Variants in HK1 observed in about 807,000 individuals in gnomAD.
HK1 encodes the protein hexokinase 1, also known as hexokinase-1.
HK1 carries 28 observed loss-of-function variants against 91.6 expected under a neutral mutation model. The ratio of observed to expected loss-of-function variants is 0.31; its 90% CI spans 0.23 to 0.42. The LOEUF is 0.42. Ranked by LOEUF, HK1 falls within the 10% of genes least tolerant of loss-of-function variation. The pLI is 1.00. For synonymous variants in HK1, 430 were observed against 468.1 expected (o/e 0.92, Z 1.05); for missense variants, 770 against 1,219.8 (o/e 0.63, Z 5.49).
At chr10:69,379,740 CCA>C in intron 8 of HK1, 120 bp from the exon 9 acceptor site, 1 of 718,190 alleles carries the variant, frequency 1.4e-6, no homozygotes, top group Non-Finnish European at 2.6e-6. Context: ...TCATCCCATA[CCA>C]TCCCATACCA....
At chr10:69,284,917 C>T (rs1044275688) in intron 2 of HK1, among the ~76,000 whole-genome samples, 8 of 152,028 alleles carry the variant, frequency 5.3e-5, no homozygotes, top group South Asian at 4.2e-4. Context: ...CCTGGGTTCA[C>T]GCCATTCTCC....
At chr10:69,346,298 C>T (rs1006439863) in intron 2 of HK1, among the ~76,000 whole-genome samples, 7 of 152,204 alleles carry the variant, frequency 4.6e-5, no homozygotes, top group African/African-American at 1.7e-4. Flanking sequence ...TTGGCGCTCA[C>T]CATGGTGGAG....
At chr10:69,344,863 G>A (rs1377581114) in intron 2 of HK1, among the ~76,000 whole-genome samples, 1 of 152,162 alleles carries the variant, frequency 6.6e-6, no homozygotes, top group Non-Finnish European at 1.5e-5. Flanking sequence ...TCTAGGGTGG[G>A]GCTCACCTGC....
chr10:69,365,792 C>T (rs556203230), intron 4 of HK1, among the ~76,000 whole-genome samples: 1 of 152,316 alleles, frequency 6.6e-6, no homozygotes, highest in South Asian at 2.1e-4. Flanking sequence ...CATGATTGTG[C>T]CACTGCACCC....
intron 3 of HK1, chr10:69,295,495 T>A: frequency 1.4e-6 from 1 of 694,018 alleles, no homozygotes; most frequent in Non-Finnish European, 2.6e-6. Flanking sequence ...ATGATAGAAT[T>A]TGCTTAGACA....
intron 1 of HK1, among the ~76,000 whole-genome samples, chr10:69,274,058 A>C (rs190479919): frequency 1.3e-3 from 197 of 152,140 alleles, no homozygotes; most frequent in African/African-American, 4.4e-3. Flanking sequence ...TTTTCACCAG[A>C]AAGAGAACAC....
rs148023323 is a variant in HK1 at position 69,328,068 on chromosome 10, C to T, written c.63+9058C>T. On this transcript the variant is annotated intron_variant, in intron 1 of 17. Transcript: ENST00000359426. ...CACTTGCACACACTTTCTCTCTTCC[C>T]GGGTGGATCCGACCCGGGTAGGGCA... Among the ~76,000 whole-genome samples the T allele has an allele frequency of 2.0e-3, 298 of 152,242 alleles. 1 individual carries two copies. The highest frequency in any genetic ancestry group is 6.7e-3 in the African/African-American group (280 of 41,548).
At chr10:69,372,537 G>A (rs562128965) in intron 7 of HK1, among the ~76,000 whole-genome samples, 1 of 152,124 alleles carries the variant, frequency 6.6e-6, no homozygotes, top group African/African-American at 2.4e-5. Flanking sequence ...TTGACTGATG[G>A]GAAAATTATG....
chr10:69,314,390 C>G (rs935472582), upstream of HK1, among the ~76,000 whole-genome samples: 3 of 152,256 alleles, frequency 2.0e-5, no homozygotes, highest in African/African-American at 7.2e-5. Context: ...TTGGTGCAGC[C>G]AGGTTGGAAA....
intron 2 of HK1, among the ~76,000 whole-genome samples, chr10:69,351,508 T>TCAAAAA (rs1007785660): frequency 2.0e-5 from 3 of 150,040 alleles, no homozygotes; most frequent in South Asian, 2.2e-4. Flanking sequence ...AGACTCCGTC[T>TCAAAAA]CAAAAACAAA....
At position 69,380,198 on chromosome 10, in the gene HK1, A is replaced by C. The variant is rs1335588189; in HGVS notation, c.1265+103A>C. The C allele has an allele frequency of 3.3e-6, 3 of 920,118 alleles. No homozygotes were observed. The highest frequency in any genetic ancestry group is 5.3e-6 in the Non-Finnish European group (3 of 570,748). The allele number at this position is 920,118 out of a possible 1,614,324, so 57.0% of individuals were successfully genotyped here. On this transcript the variant is annotated intron_variant, in intron 9 of 17. Transcript: ENST00000359426. This position sits in a 1 kb window ranked among gnomAD's most constrained non-coding sequence, Gnocchi z 4.0. ...ACCCGGTAAACGTTTTTCGGCAGACAAGACAATGGTGGTCGGGGGCTGTGG... is the reference window on the plus strand; with the variant it reads ...ACCCGGTAAACGTTTTTCGGCAGACCAGACAATGGTGGTCGGGGGCTGTGG...
chr10:69,302,857 T>C (rs560797109), intron 5 of HK1, among the ~76,000 whole-genome samples: 1 of 152,212 alleles, frequency 6.6e-6, no homozygotes, highest in East Asian at 1.9e-4. Context: ...GGTAACAGGT[T>C]ACATGTGGAG....
chr10:69,276,654 G>A (rs1844489859), intron 1 of HK1, among the ~76,000 whole-genome samples: 1 of 150,746 alleles, frequency 6.6e-6, no homozygotes, highest in African/African-American at 2.4e-5. Context: ...GTAAGACTCT[G>A]TCTTAAAAAA....
chr10:69,283,383 G>T (rs1844859331), intron 2 of HK1, among the ~76,000 whole-genome samples: 1 of 151,370 alleles, frequency 6.6e-6, no homozygotes, highest in East Asian at 1.9e-4. Context: ...GGGCGCAGGA[G>T]GTCAAGGCTG....
At chr10:69,398,178 A>G (rs1041582157) in intron 16 of HK1, among the ~76,000 whole-genome samples, 2 of 152,230 alleles carry the variant, frequency 1.3e-5, no homozygotes, top group African/African-American at 4.8e-5. Flanking sequence ...TAAAGAAATC[A>G]TGGTGCATCC....
intron 7 of HK1, among the ~76,000 whole-genome samples, chr10:69,372,027 A>T (rs975516388): frequency 3.9e-5 from 6 of 152,268 alleles, no homozygotes; most frequent in African/African-American, 1.2e-4. Context: ...TTACAGTTCC[A>T]TGTAGCTGGG....
At chr10:69,287,795 T>C (rs536342952) in intron 2 of HK1, among the ~76,000 whole-genome samples, 27 of 152,214 alleles carry the variant, frequency 1.8e-4, no homozygotes, top group Non-Finnish European at 3.4e-4. Context: ...ATATAAATAA[T>C]GTGTACATTA....
chr10:69,399,262 C>T (rs1455190319), intron 17 of HK1, among the ~76,000 whole-genome samples: 1 of 152,168 alleles, frequency 6.6e-6, no homozygotes, highest in Non-Finnish European at 1.5e-5. Flanking sequence ...TGTAATCCAG[C>T]ACTTTGGGAG....
chr10:69,340,073 A>G (rs1044045541), intron 1 of HK1, among the ~76,000 whole-genome samples: 3 of 152,192 alleles, frequency 2.0e-5, no homozygotes, highest in African/African-American at 7.2e-5. Context: ...CTTTGTGTCA[A>G]GCAACTGGGT....
Sources: allele counts gnomAD v4.1 joint callset (sites outside exome capture counted in the v4.1 genomes callset), GRCh38; gene constraint gnomAD v4.1.1; non-coding constraint Gnocchi (gnomAD v3.1); transcripts MANE v1.5; gene names NCBI Gene and HGNC (gene_info 2026-07-23, HGNC 2026-07-21).